SETBP1: variants seen among roughly 807,000 people sequenced by gnomAD.
SETBP1 encodes the protein SET-binding protein.
Under a neutral mutation model 101.0 loss-of-function variants are expected in SETBP1, and 9 were observed. That is an observed-to-expected ratio of 0.09 (90% CI 0.05 to 0.16). The LOEUF (loss-of-function observed/expected upper bound fraction) is 0.16, where lower values mean the gene tolerates loss of function less well. Among genes scored for constraint, SETBP1 ranks in the 10% least tolerant of loss-of-function variants. SETBP1 has a pLI of 1.00. For missense variants in SETBP1, 1,858 were observed against 2,033.8 expected (o/e 0.91, Z 1.66); for synonymous variants, 818 against 788.5 (o/e 1.04, Z -0.63).
At chr18:44,926,318 A>G (rs1356618516) in intron 3 of SETBP1, among the ~76,000 whole-genome samples, 1 of 152,164 alleles carries the variant, frequency 6.6e-6, no homozygotes. Context: ...CTGGTGCATA[A>G]TTATCAAAGG....
intron 2 of SETBP1, among the ~76,000 whole-genome samples, chr18:44,855,315 T>C (rs952862347): frequency 1.3e-5 from 2 of 152,210 alleles, no homozygotes; most frequent in African/African-American, 4.8e-5. Flanking sequence ...TTTTTGTTTT[T>C]GTTTTCATTT....
intron 3 of SETBP1, among the ~76,000 whole-genome samples, chr18:44,889,641 T>C (rs746086241): frequency 5.3e-5 from 8 of 152,186 alleles, no homozygotes; most frequent in Non-Finnish European, 8.8e-5. Context: ...TGCATTCTGC[T>C]GCAGAAGTCT....
intron 3 of SETBP1, among the ~76,000 whole-genome samples, chr18:44,886,141 AG>A (rs1349220075): frequency 6.6e-6 from 1 of 152,130 alleles, no homozygotes; most frequent in Admixed American, 6.6e-5. Context: ...ATAAAAATTC[AG>A]GGGGATCAAG....
intron 4 of SETBP1, chr18:44,986,701 A>G (rs1005223520): frequency 2.7e-4 from 41 of 152,078 alleles, no homozygotes; most frequent in Middle Eastern, 3.4e-3. Context: ...CATAGCATCA[A>G]GATCATAAAT....
At chr18:44,960,360 TC>T (rs2071586888) in intron 4 of SETBP1, among the ~76,000 whole-genome samples, 2 of 152,038 alleles carry the variant, frequency 1.3e-5, no homozygotes, top group African/African-American at 4.8e-5. Context: ...TTTATTGTGT[TC>T]CATTTTATTT....
chr18:44,971,014 C>T (rs1041428465), intron 4 of SETBP1, among the ~76,000 whole-genome samples: 12 of 151,990 alleles, frequency 7.9e-5, no homozygotes, highest in South Asian at 4.2e-4. Flanking sequence ...GCTATGCCTC[C>T]CCCCTCTCCC....
At chr18:45,014,698 A>G (rs543381938) in intron 4 of SETBP1, among the ~76,000 whole-genome samples, 14 of 152,256 alleles carry the variant, frequency 9.2e-5, no homozygotes, top group African/African-American at 2.4e-4. Context: ...CATGCATTCA[A>G]AATCTGACCC....
chr18:44,874,478 G>C (rs1239559887), intron 3 of SETBP1, among the ~76,000 whole-genome samples: 1 of 152,176 alleles, frequency 6.6e-6, no homozygotes, highest in African/African-American at 2.4e-5. Flanking sequence ...CACTCAGCCT[G>C]TGCTGTTGGT....
At chr18:44,707,836 G>A (rs1048454081) in intron 2 of SETBP1, among the ~76,000 whole-genome samples, 4 of 152,144 alleles carry the variant, frequency 2.6e-5, no homozygotes, top group Non-Finnish European at 5.9e-5. Context: ...GAGAAGGAAC[G>A]GTTGCAGGGG....
chr18:44,927,085 C>A (rs2070722594), intron 3 of SETBP1, among the ~76,000 whole-genome samples: 1 of 152,144 alleles, frequency 6.6e-6, no homozygotes, highest in Non-Finnish European at 1.5e-5. Flanking sequence ...TGAGTTTAAG[C>A]AATCCATTAG....
At chr18:44,868,292 G>A (rs929947676) in intron 2 of SETBP1, among the ~76,000 whole-genome samples, 3 of 151,876 alleles carry the variant, frequency 2.0e-5, no homozygotes, top group Admixed American at 2.0e-4. Flanking sequence ...CCTAAATAGT[G>A]TATAAAATCA....
intron 3 of SETBP1, among the ~76,000 whole-genome samples, chr18:44,873,805 G>A (rs683525): frequency 0.99 from 151,426 of 152,330 alleles, 75,272 homozygotes; most frequent in East Asian, 1. Flanking sequence ...AACTATGACT[G>A]AAGTTTTCAT....
intron 3 of SETBP1, among the ~76,000 whole-genome samples, chr18:44,905,071 C>A (rs1352221866): frequency 6.6e-6 from 1 of 152,024 alleles, no homozygotes; most frequent in Non-Finnish European, 1.5e-5. Context: ...AAAATGTAGA[C>A]CATGAATAAA....
intron 3 of SETBP1, among the ~76,000 whole-genome samples, chr18:44,915,594 T>G (rs1478991442): frequency 6.6e-6 from 1 of 152,118 alleles, no homozygotes; most frequent in African/African-American, 2.4e-5. Flanking sequence ...AGTAATCACA[T>G]GTCAGACGGG....
chr18:44,747,226 AG>A (rs755974986), intron 2 of SETBP1, among the ~76,000 whole-genome samples: 1 of 152,142 alleles, frequency 6.6e-6, no homozygotes, highest in Non-Finnish European at 1.5e-5. Flanking sequence ...CATGACCCCC[AG>A]GGGTTTTGCT....
intron 2 of SETBP1, among the ~76,000 whole-genome samples, chr18:44,718,476 A>AAGAG (rs34880717): frequency 2.0e-5 from 3 of 150,252 alleles, no homozygotes; most frequent in Non-Finnish European, 3.0e-5. Flanking sequence ...CCTAGTAGCA[A>AAGAG]AGAGAGAGAG....
chr18:44,791,123 G>A (rs1479034261), intron 2 of SETBP1, among the ~76,000 whole-genome samples: 2 of 152,082 alleles, frequency 1.3e-5, no homozygotes, highest in African/African-American at 4.8e-5. Flanking sequence ...TGCGCTGAAG[G>A]CAGGATTTTG....
rs999941128 is a variant in SETBP1 at position 44,951,732 on chromosome 18, A to C, written c.2392A>C (p.Asn798His). The change falls in exon 4 of 6, where the codon AAT (asparagine) becomes CAT (histidine). Residue 798 changes from asparagine to histidine, a missense_variant. This residue lies in a region of SETBP1 where 121 missense variants were observed against 138.0 expected (regional missense o/e 0.88). Transcript: ENST00000649279. The surrounding 1 kb of genome is among the most constrained non-coding windows in gnomAD (Gnocchi z 7.8). Reference sequence around the variant, plus strand: ...CCTGAGCCCTGCCAGCACTGAAACCAATTTTTCAGAGTTGAAAACTATGCC... The same window carrying C: ...CCTGAGCCCTGCCAGCACTGAAACCCATTTTTCAGAGTTGAAAACTATGCC... ...GNLSPASTET[N>H]FSELKTMPNL... 1 of 1,614,070 alleles carries C rather than the reference A, an allele frequency of 6.2e-7. No individual in the cohort carries two copies. Among genetic ancestry groups the C allele is most frequent in the Non-Finnish European group, 8.5e-7 (1 of 1,180,030 alleles).
At chr18:45,018,828 G>A (rs752792089) in intron 4 of SETBP1, among the ~76,000 whole-genome samples, 31 of 152,114 alleles carry the variant, frequency 2.0e-4, no homozygotes, top group Non-Finnish European at 3.2e-4. Context: ...CAAAATTTAC[G>A]GAGCTATGGC....
Sources: allele counts gnomAD v4.1 joint callset (sites outside exome capture counted in the v4.1 genomes callset), GRCh38; gene constraint gnomAD v4.1.1; regional missense constraint gnomAD v4.1.1; non-coding constraint Gnocchi (gnomAD v3.1); transcripts MANE v1.5; gene names NCBI Gene and HGNC (gene_info 2026-07-23, HGNC 2026-07-21).